ABCC11: variants seen among roughly 807,000 people sequenced by gnomAD.
ABCC11 encodes the protein ATP-binding cassette sub-family C member 11.
In ABCC11, 135 loss-of-function variants were observed where a neutral mutation model predicts 149.3. The ratio of observed to expected loss-of-function variants is 0.90; its 90% CI spans 0.79 to 1.04. The LOEUF is 1.04. Among genes scored for constraint, ABCC11 ranks in the 50% least tolerant of loss-of-function variants. The pLI, the probability that ABCC11 is intolerant of heterozygous loss-of-function variation, is 0.00. For synonymous variants in ABCC11, 665 were observed against 671.4 expected (o/e 0.99, Z 0.15); for missense variants, 1,680 against 1,722.1 (o/e 0.98, Z 0.43).
intron 1 of ABCC11, chr16:48,235,215 T>C (rs1015282437): frequency 1.7e-5 from 2 of 115,492 alleles, no homozygotes; most frequent in Admixed American, 1.6e-4. Flanking sequence ...CAACTAGAGA[T>C]GCAAAGAGAT....
At chr16:48,237,401 C>T (rs1471559278) in intron 1 of ABCC11, among the ~76,000 whole-genome samples, 4 of 152,176 alleles carry the variant, frequency 2.6e-5, no homozygotes, top group Non-Finnish European at 5.9e-5. Flanking sequence ...TTCCTTAAAT[C>T]TTCATGTCCA....
In ABCC11 at chr16:48,213,348, T is replaced by C. The variant is rs749177570; in HGVS notation, c.1356+95A>G. ...GCTAATCCCTCTCTCGACCTAGGCC[T>C]TGGCCAGGGGACGTGTTCTGGAGGA... is the stretch of plus-strand genomic sequence containing the variant. On this transcript the variant is annotated intron_variant, in intron 10 of 29. Coordinates refer to ENST00000356608, the MANE Select transcript of ABCC11 (RefSeq NM_001370497.1). The C allele has an allele frequency of 3.7e-4, 412 of 1,110,348 alleles. 1 individual carries two copies. The highest frequency in any genetic ancestry group is 4.9e-4 in the Non-Finnish European group (371 of 756,800). 68.8% of individuals were successfully genotyped at this position (1,110,348 alleles called of 1,614,324 possible).
At chr16:48,240,832 CA>C (rs1311108589) in intron 1 of ABCC11, among the ~76,000 whole-genome samples, 2 of 152,124 alleles carry the variant, frequency 1.3e-5, no homozygotes, top group African/African-American at 2.4e-5. Flanking sequence ...TAGTAACTTA[CA>C]GTGAAAAAAT....
intron 20 of ABCC11, among the ~76,000 whole-genome samples, chr16:48,191,731 A>T (rs1433417566): frequency 2.0e-5 from 3 of 152,168 alleles, no homozygotes; most frequent in Non-Finnish European, 4.4e-5. Flanking sequence ...TTGCAAGGAC[A>T]AAAAACCAAA....
rs549794423 is a variant in ABCC11 at position 48,237,422 on chromosome 16, A to G, written c.-18-5483T>C. 2.0e-5 allele frequency among the ~76,000 whole-genome samples: 3 copies of G among 152,314 alleles called. No individual in the cohort carries two copies. In the South Asian group the frequency reaches 6.2e-4, roughly 32 times the overall value. The stretch of plus-strand genomic sequence containing the variant: ...AAATCTTCATGTCCAATCCATCAGC[A>G]TATTCTCTTGAAGCTACAATCAAAC... On this transcript the variant is annotated intron_variant, in intron 1 of 29. Coordinates refer to ENST00000356608, the MANE Select transcript of ABCC11 (RefSeq NM_001370497.1).
intron 20 of ABCC11, among the ~76,000 whole-genome samples, chr16:48,188,770 G>C (rs1966846600): frequency 1.3e-5 from 2 of 152,192 alleles, no homozygotes. Context: ...CTTCACAGAA[G>C]GCAATTTCTT....
At chr16:48,170,009 T>G in intron 28 of ABCC11, 96 bp downstream of exon 28, 1 of 837,998 alleles carries the variant, frequency 1.2e-6, no homozygotes, top group Non-Finnish European at 1.9e-6. Context: ...CAGAGCCCAG[T>G]GTCCCACGGT....
chr16:48,242,270 A>G (rs1971005763), intron 1 of ABCC11, among the ~76,000 whole-genome samples: 1 of 152,260 alleles, frequency 6.6e-6, no homozygotes, highest in South Asian at 2.1e-4. Flanking sequence ...GAAGACATTT[A>G]TGCAGCCAAC....
chr16:48,231,359 G>A (rs1347318111), intron 2 of ABCC11, among the ~76,000 whole-genome samples: 1 of 151,998 alleles, frequency 6.6e-6, no homozygotes, highest in Non-Finnish European at 1.5e-5. Flanking sequence ...GGAAGCCTGA[G>A]GTCTATTTGA....
chr16:48,235,830 A>G (rs1191126044), intron 1 of ABCC11, among the ~76,000 whole-genome samples: 2 of 152,238 alleles, frequency 1.3e-5, no homozygotes, highest in Non-Finnish European at 2.9e-5. Flanking sequence ...GGCAAAGGTC[A>G]GGATGACAAA....
In ABCC11 at chr16:48,230,490, C is replaced by G; in HGVS notation, c.183G>C (p.Trp61Cys). 6.2e-7 allele frequency: 1 copy of G among 1,612,568 alleles called. No homozygotes were observed. Among genetic ancestry groups the G allele is most frequent in the Non-Finnish European group, 8.5e-7 (1 of 1,179,310 alleles). The change falls in exon 3 of 30, where the codon TGG becomes TGC. Residue 61 changes from tryptophan to cysteine, a missense_variant. By Grantham distance (215) the Trp-to-Cys change is radical (BLOSUM62 -2). Coordinates refer to ENST00000356608, the MANE Select transcript of ABCC11 (RefSeq NM_001370497.1). ...TTCTCAAGGCAGCATCATACTTCCC[C>G]CACGGTGGGACAGCTGCCCTCCCTG... The part of the protein sequence containing the change: ...EAPGRAAVPP[W>C]GKYDAALRTM...
rs145630207 is a variant in ABCC11 at position 48,200,420 on chromosome 16, G to A, written c.1938C>T (p.Arg646=). The change falls in exon 15 of 30, where the codon CGC becomes CGT. Residue 646 remains arginine, a synonymous_variant. Coordinates refer to ENST00000356608, the MANE Select transcript of ABCC11 (RefSeq NM_001370497.1). Reference sequence around the variant, plus strand: ...AGATCTGACGGTCGGAATAGACGGCGCGGGCCAGGCTGATCCTCTGTTTCT... The same window carrying A: ...AGATCTGACGGTCGGAATAGACGGCACGGGCCAGGCTGATCCTCTGTTTCT... ...GGQKQRISLA[R]AVYSDRQIYL... 7.2e-5 allele frequency: 116 copies of A among 1,614,096 alleles called. No individual in the cohort carries two copies. In the African/African-American group the frequency reaches 1.4e-3, roughly 19 times the overall value.
chr16:48,172,036 C>G (rs1965754133), intron 26 of ABCC11, among the ~76,000 whole-genome samples: 1 of 152,136 alleles, frequency 6.6e-6, no homozygotes, highest in African/African-American at 2.4e-5. Context: ...ATTAAACAGT[C>G]TCTTCTTCCC....
Position 48,234,382 on chromosome 16 carries a change from T to TA in ABCC11, c.-18-2444dup, listed in dbSNP as rs1482266484. ...TTGTAAGTTTATATAATTTTTTTTTTATTAATGTTTGTGTTTAGCAGCTAT... is the reference window on the plus strand; with the variant it reads ...TTGTAAGTTTATATAATTTTTTTTTTAATTAATGTTTGTGTTTAGCAGCTAT... On this transcript the variant is annotated intron_variant, in intron 1 of 29. Coordinates refer to ENST00000356608, the MANE Select transcript of ABCC11 (RefSeq NM_001370497.1). Among the ~76,000 whole-genome samples, 4 of 152,314 alleles carry TA rather than the reference T, an allele frequency of 2.6e-5. No homozygotes were observed. The East Asian group carries it at 7.7e-4, about 29-fold the overall frequency.
intron 3 of ABCC11, 76 bp from the exon 4 acceptor site, chr16:48,228,040 A>ATACGGC: frequency 8.5e-7 from 1 of 1,175,322 alleles, no homozygotes. Context: ...CCATATTAAA[A>ATACGGC]CACAACGAGG....
At position 48,200,378 on chromosome 16, in the gene ABCC11, G is replaced by A. The variant is rs762976210; in HGVS notation, c.1980C>T (p.Pro660=). 1 of 1,614,246 alleles carries A rather than the reference G, an allele frequency of 6.2e-7. No homozygotes were observed. Among genetic ancestry groups the A allele is most frequent in the South Asian group, 1.1e-5 (1 of 91,084 alleles). Residue 660 remains proline (P), a synonymous_variant, in exon 15 of 30, where the codon CCC becomes CCT. Coordinates refer to ENST00000356608, the MANE Select transcript of ABCC11 (RefSeq NM_001370497.1). ...CCACGTGGGCGTCCACAGCAGACAG[G>A]GGGTCGTCCAGCAGGTAGATCTGAC... ...SDRQIYLLDD[P]LSAVDAHVGK...
chr16:48,178,227 A>G (rs1966208978), intron 24 of ABCC11, among the ~76,000 whole-genome samples: 2 of 152,218 alleles, frequency 1.3e-5, no homozygotes, highest in Non-Finnish European at 2.9e-5. Flanking sequence ...TTAGACTTGA[A>G]CCCAGGAAAT....
chr16:48,171,493 A>T (rs1965719541), intron 26 of ABCC11, among the ~76,000 whole-genome samples: 1 of 152,194 alleles, frequency 6.6e-6, no homozygotes, highest in Non-Finnish European at 1.5e-5. Flanking sequence ...TGGCCTCCCC[A>T]TTATCATGCA....
intron 20 of ABCC11, among the ~76,000 whole-genome samples, chr16:48,188,526 T>G (rs1966844122): frequency 6.6e-6 from 1 of 152,240 alleles, no homozygotes; most frequent in Non-Finnish European, 1.5e-5. Flanking sequence ...CACCTGCAAG[T>G]TGATCTCTAA....
Sources: allele counts gnomAD v4.1 joint callset (sites outside exome capture counted in the v4.1 genomes callset), GRCh38; gene constraint gnomAD v4.1.1; transcripts MANE v1.5; gene names NCBI Gene and HGNC (gene_info 2026-07-23, HGNC 2026-07-21).